Variants in ARHGEF3 observed in about 807,000 individuals in gnomAD.
The protein encoded by ARHGEF3 is Rho guanine nucleotide exchange factor 3.
Under a neutral mutation model 63.2 loss-of-function variants are expected in ARHGEF3, and 28 were observed. That is an observed-to-expected ratio of 0.44 (90% confidence interval 0.33 to 0.61). The LOEUF (loss-of-function observed/expected upper bound fraction) is 0.61, where lower values mean the gene tolerates loss of function less well. Among genes scored for constraint, ARHGEF3 ranks in the 20% least tolerant of loss-of-function variants. The probability of loss-of-function intolerance (pLI) is 0.03; values close to 1 mark genes in which losing one functional copy is unlikely to be tolerated. For missense variants in ARHGEF3, 533 were observed against 659.3 expected, an observed-to-expected ratio of 0.81 and a Z score of 2.10; for synonymous variants, 266 against 254.2, an observed-to-expected ratio of 1.05 and a Z score of -0.44.
intron 3 of ARHGEF3, among the ~76,000 whole-genome samples, chr3:56,945,872 AC>A (rs1015192356): frequency 3.3e-5 from 5 of 151,826 alleles, no homozygotes; most frequent in African/African-American, 1.2e-4. Flanking sequence ...ACTGGGAGGC[AC>A]CCCCCAGTAC....
chr3:56,859,705 T>C (rs2040002858), intron 4 of ARHGEF3, among the ~76,000 whole-genome samples: 1 of 151,394 alleles, frequency 6.6e-6, no homozygotes, highest in African/African-American at 2.4e-5. Context: ...GCTAATTTTT[T>C]TTTTTTTTTT....
chr3:56,834,103 C>T (rs1391577908), intron 4 of ARHGEF3, among the ~76,000 whole-genome samples: 4 of 152,090 alleles, frequency 2.6e-5, no homozygotes, highest in Non-Finnish European at 5.9e-5. Context: ...CGGGGTTTCA[C>T]CATATTGGCC....
intron 4 of ARHGEF3, among the ~76,000 whole-genome samples, chr3:56,825,934 C>A (rs550046474): frequency 6.6e-6 from 1 of 152,348 alleles, no homozygotes; most frequent in African/African-American, 2.4e-5. Flanking sequence ...TGACTCAGGA[C>A]TGACCAATCA....
intron 3 of ARHGEF3, among the ~76,000 whole-genome samples, chr3:56,934,480 G>A (rs4681935): frequency 0.16 from 24,812 of 152,068 alleles, 2,240 homozygotes; most frequent in East Asian, 0.3. Context: ...AGTCGCGAGT[G>A]GGAACTGGGG....
chr3:56,849,122 T>G (rs987217192), intron 4 of ARHGEF3, among the ~76,000 whole-genome samples: 1 of 152,194 alleles, frequency 6.6e-6, no homozygotes, highest in African/African-American at 2.4e-5. Context: ...CAAGCCTCAC[T>G]CAGCTCCTGC....
intron 2 of ARHGEF3, among the ~76,000 whole-genome samples, chr3:57,004,027 C>G (rs183677269): frequency 4.6e-5 from 7 of 152,182 alleles, no homozygotes; most frequent in Non-Finnish European, 8.8e-5. Flanking sequence ...CAGTCAATGA[C>G]CCTGACCCCA....
intron 3 of ARHGEF3, among the ~76,000 whole-genome samples, chr3:56,942,687 T>C (rs537794763): frequency 1.3e-5 from 2 of 152,330 alleles, no homozygotes; most frequent in Non-Finnish European, 2.9e-5. Flanking sequence ...TGTCCAAAGT[T>C]GAGGCAGGCT....
At chr3:56,995,654 A>AGAGAGAGAGAGG (rs1701950790) in intron 2 of ARHGEF3, among the ~76,000 whole-genome samples, 1 of 124,724 alleles carries the variant, frequency 8.0e-6, no homozygotes, top group Admixed American at 8.3e-5. Context: ...AGAGAGAGAG[A>AGAGAGAGAGAGG]GAGAGAGAGA....
chr3:56,983,849 T>A (rs1432538218), intron 2 of ARHGEF3, among the ~76,000 whole-genome samples: 1 of 150,972 alleles, frequency 6.6e-6, no homozygotes, highest in East Asian at 2.0e-4. Flanking sequence ...GGCAGGAGAA[T>A]TGCTTGAACC....
intron 1 of ARHGEF3, among the ~76,000 whole-genome samples, chr3:57,077,929 G>A (rs1231048800): frequency 1.3e-5 from 2 of 152,146 alleles, no homozygotes; most frequent in Non-Finnish European, 2.9e-5. Flanking sequence ...CATGGCTACT[G>A]TGTAAGCACC....
chr3:56,870,547 G>A (rs1578724442), intron 4 of ARHGEF3, among the ~76,000 whole-genome samples: 1 of 152,168 alleles, frequency 6.6e-6, no homozygotes, highest in East Asian at 1.9e-4. Flanking sequence ...TGGTGGATAT[G>A]TGTGATTACA....
chr3:56,848,108 T>A (rs1477363842), intron 4 of ARHGEF3, among the ~76,000 whole-genome samples: 3 of 152,032 alleles, frequency 2.0e-5, no homozygotes, highest in Non-Finnish European at 4.4e-5. Context: ...AAGAGAGAAA[T>A]GTTAATGTGA....
intron 1 of ARHGEF3, among the ~76,000 whole-genome samples, chr3:57,058,813 TA>T (rs1299745726): frequency 4.0e-5 from 6 of 151,824 alleles, no homozygotes; most frequent in Admixed American, 2.6e-4. Context: ...TATGCAGCCA[TA>T]AAAAATGATG....
At chr3:57,050,715 C>T (rs1015207594) in intron 1 of ARHGEF3, among the ~76,000 whole-genome samples, 1 of 152,202 alleles carries the variant, frequency 6.6e-6, no homozygotes, top group Admixed American at 6.5e-5. Flanking sequence ...CTGTGGACAA[C>T]TATGGACAAC....
Position 56,728,128 on chromosome 3 carries a change from G to A in ARHGEF3, c.*1142C>T, listed in dbSNP as rs562267314. The A allele has an allele frequency of 6.5e-6, 1 of 152,742 alleles. No individual in the cohort carries two copies. The highest frequency in any genetic ancestry group is 2.4e-5 in the African/African-American group (1 of 41,556). 9.5% of individuals were successfully genotyped at this position (152,742 alleles called of 1,614,324 possible). A position where few individuals can be genotyped will look rare whatever the true frequency, so the allele number is the denominator to read the frequency against. The stretch of plus-strand genomic sequence containing the variant: ...GACAAAGAGGTTACTAATCTGGCTA[G>A]CTGATTCTAATTAATCAGAGTTAAT... On this transcript the variant is annotated 3_prime_UTR_variant, in exon 10 of 10. Transcript: ENST00000296315.
chr3:56,827,373 G>A (rs1254064100), intron 4 of ARHGEF3, among the ~76,000 whole-genome samples: 2 of 152,098 alleles, frequency 1.3e-5, no homozygotes, highest in African/African-American at 2.4e-5. Flanking sequence ...GAGATAGCAG[G>A]GTGTTTATGA....
At chr3:56,905,748 C>T (rs1258446854) in intron 3 of ARHGEF3, among the ~76,000 whole-genome samples, 3 of 152,254 alleles carry the variant, frequency 2.0e-5, no homozygotes, top group African/African-American at 4.8e-5. Flanking sequence ...TTTCTGCCAA[C>T]ATGGTAGGTG....
At chr3:57,031,835 C>T (rs375622390) in intron 2 of ARHGEF3, among the ~76,000 whole-genome samples, 1 of 152,158 alleles carries the variant, frequency 6.6e-6, no homozygotes, top group East Asian at 1.9e-4. Context: ...AGAGCCAGAG[C>T]CAGACCCTGG....
At chr3:56,765,121 T>G (rs547516397) in intron 2 of ARHGEF3, among the ~76,000 whole-genome samples, 1 of 152,236 alleles carries the variant, frequency 6.6e-6, no homozygotes, top group Non-Finnish European at 1.5e-5. Context: ...ACTCCAGGAA[T>G]AGTAAAGAAC....
Sources: gnomAD v4.1 joint callset for allele counts (sites outside exome capture counted in the v4.1 genomes callset) on GRCh38, gnomAD v4.1.1 for gene constraint, MANE v1.5 for transcripts, NCBI Gene and HGNC (gene_info 2026-07-23, HGNC 2026-07-21) for gene names.